SRBD1: variants seen among roughly 807,000 people sequenced by gnomAD.
SRBD1 encodes S1 RNA binding domain 1, also known as S1 RNA-binding domain-containing protein 1.
In SRBD1, 88 loss-of-function variants were observed where a neutral mutation model predicts 115.3. The ratio of observed to expected loss-of-function variants is 0.76; its 90% confidence interval spans 0.64 to 0.91. The LOEUF is 0.91. SRBD1 is among the 40% of genes least tolerant of loss of function. The probability of loss-of-function intolerance (pLI) is 0.00; values close to 1 mark genes in which losing one functional copy is unlikely to be tolerated. For missense variants in SRBD1, 1,385 were observed against 1,177.4 expected (o/e 1.18, Z -2.58); for synonymous variants, 509 against 407.7 (o/e 1.25, Z -2.99).
chr2:45,610,665 T>A (rs919323334), intron 1 of SRBD1, among the ~76,000 whole-genome samples: 20 of 152,202 alleles, frequency 1.3e-4, no homozygotes, highest in African/African-American at 4.6e-4. Context: ...GCCTCCTACA[T>A]GCCAGGCGCA....
intron 15 of SRBD1, among the ~76,000 whole-genome samples, chr2:45,486,150 T>C (rs917582102): frequency 6.6e-6 from 1 of 152,190 alleles, no homozygotes; most frequent in African/African-American, 2.4e-5. Flanking sequence ...GTCTCACCTA[T>C]AATACTGTGA....
intron 4 of SRBD1, among the ~76,000 whole-genome samples, chr2:45,586,579 T>A (rs1406620735): frequency 6.6e-6 from 1 of 152,166 alleles, no homozygotes; most frequent in African/African-American, 2.4e-5. Flanking sequence ...AGTGTCTCGC[T>A]CTTTCACCCA....
chr2:45,538,726 T>C (rs2104003999), intron 14 of SRBD1, among the ~76,000 whole-genome samples: 1 of 152,346 alleles, frequency 6.6e-6, no homozygotes, highest in East Asian at 1.9e-4. Flanking sequence ...ACTGAGTCTA[T>C]CTCATTCAAT....
At chr2:45,600,245 A>C (rs534862375) in intron 3 of SRBD1, among the ~76,000 whole-genome samples, 1 of 152,324 alleles carries the variant, frequency 6.6e-6, no homozygotes, top group Non-Finnish European at 1.5e-5. Context: ...AAATAAGATC[A>C]GTGGATTTTA....
chr2:45,516,157 T>C (rs1177582479), intron 14 of SRBD1, among the ~76,000 whole-genome samples: 1 of 152,192 alleles, frequency 6.6e-6, no homozygotes, highest in African/African-American at 2.4e-5. Context: ...TAACACTAAA[T>C]ATATGAATTG....
intron 14 of SRBD1, among the ~76,000 whole-genome samples, chr2:45,502,742 G>T (rs1003631778): frequency 6.6e-6 from 1 of 151,942 alleles, no homozygotes; most frequent in Admixed American, 6.6e-5. Flanking sequence ...GATGAGTTAA[G>T]TGGTGCAGCA....
chr2:45,398,811 T>C (rs1377255843), intron 19 of SRBD1, among the ~76,000 whole-genome samples: 1 of 152,092 alleles, frequency 6.6e-6, no homozygotes, highest in African/African-American at 2.4e-5. Context: ...ACCACAGTGA[T>C]TATGCAACTT....
At chr2:45,511,889 A>AT (rs1327134400) in intron 14 of SRBD1, among the ~76,000 whole-genome samples, 1 of 152,188 alleles carries the variant, frequency 6.6e-6, no homozygotes, top group East Asian at 1.9e-4. Flanking sequence ...TATGTAAAGA[A>AT]TTATTTTCAA....
chr2:45,473,013 T>C (rs1669696932), intron 16 of SRBD1, among the ~76,000 whole-genome samples: 1 of 151,940 alleles, frequency 6.6e-6, no homozygotes, highest in African/African-American at 2.4e-5. Flanking sequence ...CTGTACTTTA[T>C]TTTTTAAAGT....
intron 14 of SRBD1, among the ~76,000 whole-genome samples, chr2:45,541,987 C>T (rs965883059): frequency 3.3e-5 from 5 of 152,228 alleles, no homozygotes; most frequent in African/African-American, 9.6e-5. Context: ...TCACGTAGGC[C>T]CTGGCTTGGA....
chr2:45,502,951 C>T (rs1231482552), intron 14 of SRBD1, among the ~76,000 whole-genome samples: 1 of 152,152 alleles, frequency 6.6e-6, no homozygotes, highest in Non-Finnish European at 1.5e-5. Context: ...TGCCAAAGTG[C>T]TGGGATGACA....
chr2:45,599,389 A>AG, intron 4 of SRBD1, 60 bp downstream of exon 4: 31 of 1,444,142 alleles, frequency 2.1e-5, no homozygotes, highest in Non-Finnish European at 2.8e-5. Context: ...TACAACCCCT[A>AG]TGCTAGTCAA....
intron 14 of SRBD1, among the ~76,000 whole-genome samples, chr2:45,517,117 A>C (rs1671142930): frequency 6.6e-6 from 1 of 152,228 alleles, no homozygotes; most frequent in Admixed American, 6.5e-5. Context: ...TAATTCATAC[A>C]CAGTAATGAG....
intron 9 of SRBD1, among the ~76,000 whole-genome samples, chr2:45,567,323 G>A (rs1672860110): frequency 6.6e-6 from 1 of 152,132 alleles, no homozygotes; most frequent in South Asian, 2.1e-4. Flanking sequence ...AGAAATAAAT[G>A]TTTCGGCTGG....
chr2:45,583,544 T>C (rs1373879238), intron 5 of SRBD1, among the ~76,000 whole-genome samples: 2 of 152,226 alleles, frequency 1.3e-5, no homozygotes, highest in Non-Finnish European at 2.9e-5. Flanking sequence ...TACATATAGA[T>C]GCTACATAAT....
intron 7 of SRBD1, among the ~76,000 whole-genome samples, chr2:45,578,501 TA>T (rs1673246107): frequency 6.6e-6 from 1 of 152,220 alleles, no homozygotes; most frequent in Non-Finnish European, 1.5e-5. Flanking sequence ...ATTTGGATTT[TA>T]CAGACACACC....
chr2:45,610,108 C>T (rs976792535), intron 1 of SRBD1, among the ~76,000 whole-genome samples: 8 of 152,138 alleles, frequency 5.3e-5, no homozygotes, highest in African/African-American at 1.9e-4. Context: ...TGGGATTTTT[C>T]CCTCCTTTCA....
At chr2:45,490,943 G>A (rs746466763) in intron 14 of SRBD1, among the ~76,000 whole-genome samples, 1 of 152,006 alleles carries the variant, frequency 6.6e-6, no homozygotes, top group Non-Finnish European at 1.5e-5. Flanking sequence ...ACACAGTTCA[G>A]TGCTCAGCAT....
In SRBD1 at chr2:45,500,380, T is replaced by G. The variant is rs181313648; in HGVS notation, c.1875-12049A>C. Among the ~76,000 whole-genome samples the G allele has an allele frequency of 4.5e-4, 68 of 152,016 alleles. 1 individual carries two copies. Among genetic ancestry groups the G allele is most frequent in the Admixed American group, 3.0e-3 (45 of 15,244 alleles). ...GTAGCTATTATAAATGAGACTGCTT[T>G]CTCGATTTCTTTTCCAGATTGCTGC... On this transcript the variant is annotated intron_variant, in intron 14 of 20. Coordinates refer to ENST00000263736, the MANE Select transcript of SRBD1 (RefSeq NM_018079.5).
Sources: gnomAD v4.1 joint callset for allele counts (sites outside exome capture counted in the v4.1 genomes callset) on GRCh38, gnomAD v4.1.1 for gene constraint, MANE v1.5 for transcripts, NCBI Gene and HGNC (gene_info 2026-07-23, HGNC 2026-07-21) for gene names.